The following SSBP2 variants were observed in gnomAD, a reference collection of about 807,000 sequenced individuals.
SSBP2 encodes single-stranded DNA-binding protein 2.
SSBP2 carries 17 observed loss-of-function variants against 61.8 expected under a neutral mutation model. The ratio of observed to expected loss-of-function variants is 0.28; its 90% CI spans 0.19 to 0.41. SSBP2 has a LOEUF of 0.41. SSBP2 is among the 10% of genes least tolerant of loss of function. The pLI, the probability that SSBP2 is intolerant of heterozygous loss-of-function variation, is 1.00. For synonymous variants in SSBP2, 139 were observed against 141.3 expected (o/e 0.98, Z 0.12); for missense variants, 310 against 458.7 (o/e 0.68, Z 2.96).
At chr5:81,501,846 AG>A (rs1767814800) in intron 5 of SSBP2, among the ~76,000 whole-genome samples, 1 of 151,678 alleles carries the variant, frequency 6.6e-6, no homozygotes, top group African/African-American at 2.4e-5. Flanking sequence ...TACAGACGTG[AG>A]CCACTGCGCC....
At chr5:81,656,859 A>C (rs908841741) in intron 1 of SSBP2, among the ~76,000 whole-genome samples, 3 of 152,182 alleles carry the variant, frequency 2.0e-5, no homozygotes, top group African/African-American at 7.2e-5. Context: ...TAAATGGTGC[A>C]GCTTTTCAGG....
intron 4 of SSBP2, among the ~76,000 whole-genome samples, chr5:81,555,544 TGA>T (rs1453611956): frequency 1.3e-5 from 2 of 152,124 alleles, no homozygotes; most frequent in African/African-American, 2.4e-5. Flanking sequence ...CATCTTTGCC[TGA>T]CCCTGCCACA....
intron 6 of SSBP2, among the ~76,000 whole-genome samples, chr5:81,488,586 G>C (rs959095586): frequency 6.6e-6 from 1 of 151,780 alleles, no homozygotes; most frequent in Non-Finnish European, 1.5e-5. Flanking sequence ...AAGTTTTAGG[G>C]TACATGTGCA....
chr5:81,666,761 T>A (rs543347239), intron 1 of SSBP2, among the ~76,000 whole-genome samples: 1 of 152,202 alleles, frequency 6.6e-6, no homozygotes, highest in Non-Finnish European at 1.5e-5. Context: ...TCATCCTTTA[T>A]ACACAGGCTC....
intron 4 of SSBP2, among the ~76,000 whole-genome samples, chr5:81,596,063 C>A (rs944964262): frequency 8.6e-4 from 131 of 152,172 alleles, no homozygotes; most frequent in African/African-American, 2.9e-3. Context: ...TGTTTGCAGA[C>A]GACATGATTG....
chr5:81,550,650 A>G (rs552527009), intron 4 of SSBP2, among the ~76,000 whole-genome samples: 20 of 152,372 alleles, frequency 1.3e-4, no homozygotes, highest in Non-Finnish European at 2.4e-4. Context: ...ATAAATCACA[A>G]CATGTCAACA....
chr5:81,577,848 G>A (rs537179582), intron 4 of SSBP2, among the ~76,000 whole-genome samples: 2 of 152,020 alleles, frequency 1.3e-5, no homozygotes, highest in African/African-American at 2.4e-5. Context: ...AATAGTGGAA[G>A]CATTCGTTAT....
chr5:81,730,401 C>A (rs1008336445), intron 1 of SSBP2, among the ~76,000 whole-genome samples: 1 of 152,030 alleles, frequency 6.6e-6, no homozygotes, highest in African/African-American at 2.4e-5. Flanking sequence ...ATTTTTATAA[C>A]TTTAATAAAG....
intron 4 of SSBP2, among the ~76,000 whole-genome samples, chr5:81,561,100 TTGAA>T (rs761947309): frequency 5.9e-5 from 9 of 152,250 alleles, no homozygotes; most frequent in East Asian, 1.9e-4. Flanking sequence ...TCTCATTTAC[TTGAA>T]TGAATGTCTA....
chr5:81,545,666 C>T (rs538176760), intron 4 of SSBP2, among the ~76,000 whole-genome samples: 134 of 152,268 alleles, frequency 8.8e-4, no homozygotes, highest in Middle Eastern at 6.8e-3. Flanking sequence ...GAACAAGACA[C>T]ATTTTGTGCT....
At chr5:81,482,250 A>G (rs754785075) in intron 6 of SSBP2, among the ~76,000 whole-genome samples, 3 of 152,208 alleles carry the variant, frequency 2.0e-5, no homozygotes, top group Non-Finnish European at 2.9e-5. Context: ...GCCAGATTTA[A>G]TAAGTTTTAA....
At chr5:81,712,766 T>G (rs1342406429) in intron 1 of SSBP2, among the ~76,000 whole-genome samples, 1 of 150,114 alleles carries the variant, frequency 6.7e-6, no homozygotes, top group African/African-American at 2.5e-5. Flanking sequence ...AGGGTCTCAC[T>G]CTGTAACCCA....
At chr5:81,621,869 C>T (rs1746595721) in intron 3 of SSBP2, among the ~76,000 whole-genome samples, 1 of 125,168 alleles carries the variant, frequency 8.0e-6, no homozygotes, top group African/African-American at 3.2e-5. Flanking sequence ...AAAAACCAAA[C>T]ACCGCATATT....
Position 81,712,464 on chromosome 5 carries a change from G to A in SSBP2, c.62+38517C>T, listed in dbSNP as rs1754857147. On this transcript the variant is annotated intron_variant, in intron 1 of 16. Transcript: ENST00000320672. Reference sequence around the variant, plus strand: ...AAAATACAAAAAATTAGCCGGGCGCGGTGGCGGGCGCCTGTAGTCCCAGCT... The same window carrying A: ...AAAATACAAAAAATTAGCCGGGCGCAGTGGCGGGCGCCTGTAGTCCCAGCT... 1.2e-4 allele frequency among the ~76,000 whole-genome samples: 2 copies of A among 16,548 alleles called. 1 individual carries two copies. Among genetic ancestry groups the A allele is most frequent in the Non-Finnish European group, 2.4e-4 (2 of 8,490 alleles). The allele number at this position is 16,548 out of a possible 152,430, so 10.9% of individuals were successfully genotyped here.
intron 4 of SSBP2, among the ~76,000 whole-genome samples, chr5:81,612,243 G>A (rs568135310): frequency 2.7e-4 from 41 of 152,102 alleles, no homozygotes; most frequent in South Asian, 6.2e-4. Context: ...CTCTCAATAT[G>A]TGCACATACA....
At chr5:81,554,531 A>G (rs1371529768) in intron 4 of SSBP2, among the ~76,000 whole-genome samples, 1 of 151,704 alleles carries the variant, frequency 6.6e-6, no homozygotes, top group East Asian at 1.9e-4. Flanking sequence ...ATCCACATAT[A>G]TTCTTGCTCT....
At chr5:81,553,411 A>G (rs1772356338) in intron 4 of SSBP2, among the ~76,000 whole-genome samples, 1 of 152,148 alleles carries the variant, frequency 6.6e-6, no homozygotes, top group Non-Finnish European at 1.5e-5. Context: ...GCACCTCTCC[A>G]CACACTACAT....
intron 1 of SSBP2, among the ~76,000 whole-genome samples, chr5:81,662,556 C>A (rs1420609957): frequency 6.6e-6 from 1 of 152,132 alleles, no homozygotes; most frequent in Non-Finnish European, 1.5e-5. Flanking sequence ...GTAATCCCAA[C>A]CCTTTGGGAG....
chr5:81,578,678 T>C (rs1419736986), intron 4 of SSBP2, among the ~76,000 whole-genome samples: 2 of 151,732 alleles, frequency 1.3e-5, no homozygotes, highest in East Asian at 3.9e-4. Context: ...AAGTAAGTTA[T>C]AAATTTATAA....
Sources: allele counts gnomAD v4.1 joint callset (sites outside exome capture counted in the v4.1 genomes callset), GRCh38; gene constraint gnomAD v4.1.1; transcripts MANE v1.5; gene names NCBI Gene and HGNC (gene_info 2026-07-23, HGNC 2026-07-21).